HTR3B: variants seen among roughly 807,000 people sequenced by gnomAD.
The protein encoded by HTR3B is 5-hydroxytryptamine receptor 3B, also known as 5-hydroxytryptamine (serotonin) receptor 3B, ionotropic.
A neutral mutation model predicts 42.8 loss-of-function variants in HTR3B; 44 were observed. The observed-to-expected ratio is 1.03, with a 90% confidence interval of 0.81 to 1.32. The LOEUF (loss-of-function observed/expected upper bound fraction) is 1.32. Among genes scored for constraint, HTR3B ranks in the 40% most tolerant of loss-of-function variants. The pLI is 0.00. For missense variants in HTR3B, 527 were observed against 536.5 expected, an observed-to-expected ratio of 0.98 and a Z score of 0.17; for synonymous variants, 203 against 209.0, an observed-to-expected ratio of 0.97 and a Z score of 0.25.
intron 6 of HTR3B, among the ~76,000 whole-genome samples, chr11:113,934,328 C>T (rs1179810032): frequency 6.7e-6 from 1 of 149,654 alleles, no homozygotes; most frequent in African/African-American, 2.5e-5. Context: ...TGCGCTCCAG[C>T]CTGGGTGACA....
At chr11:113,910,259 T>C (rs11606194) in intron 2 of HTR3B, among the ~76,000 whole-genome samples, 9,194 of 152,202 alleles carry the variant, frequency 0.06, 385 homozygotes, top group Non-Finnish European at 0.083. Flanking sequence ...GCATCCTTTT[T>C]CTCCTATGTC....
intron 6 of HTR3B, among the ~76,000 whole-genome samples, chr11:113,937,460 C>T (rs12277002): frequency 0.013 from 1,913 of 152,260 alleles, 37 homozygotes; most frequent in African/African-American, 0.042. Flanking sequence ...ATCACAGATC[C>T]CCAAAATCTG....
At chr11:113,915,055 A>G (rs556212100) in intron 2 of HTR3B, among the ~76,000 whole-genome samples, 1 of 152,304 alleles carries the variant, frequency 6.6e-6, no homozygotes, top group African/African-American at 2.4e-5. Flanking sequence ...TTTCATGCCC[A>G]TAAGATCTCT....
chr11:113,911,968 G>C (rs922855803), intron 2 of HTR3B, among the ~76,000 whole-genome samples: 1 of 152,100 alleles, frequency 6.6e-6, no homozygotes, highest in Non-Finnish European at 1.5e-5. Flanking sequence ...AGTTTTACTG[G>C]TTGTAGAACT....
Position 113,904,941 on chromosome 11 carries a change from C to A in HTR3B, c.8C>A (p.Ser3Ter). 6.2e-7 allele frequency: 1 copy of A among 1,613,610 alleles called. No homozygotes were observed. The highest frequency in any genetic ancestry group is 1.1e-5 in the South Asian group (1 of 91,048). The stretch of plus-strand genomic sequence containing the variant: ...TTTGGGATCTGCCCAGGAATGTTGT[C>A]AAGTGTAATGGCTCCCCTGTGGGCC... ML[S>*]SVMAPLWACI... is the part of the protein sequence containing the mutation. The change falls in exon 1 of 9, where the codon TCA (serine) becomes TAA (stop). Residue 3 changes from serine to a stop codon, truncating the protein, a stop_gained. Coordinates refer to ENST00000260191, the MANE Select transcript of HTR3B (RefSeq NM_006028.5). LOFTEE classifies it high-confidence loss of function.
intron 6 of HTR3B, among the ~76,000 whole-genome samples, chr11:113,942,321 G>A (rs537224241): frequency 1.2e-4 from 18 of 152,084 alleles, no homozygotes; most frequent in Admixed American, 2.0e-4. Context: ...AAAATAAGCC[G>A]GGCATGGTGG....
intron 8 of HTR3B, 97 bp from the exon 9 acceptor site, chr11:113,945,805 A>T: frequency 2.4e-6 from 2 of 850,976 alleles, no homozygotes; most frequent in Non-Finnish European, 1.9e-6. Flanking sequence ...TTCACCTGCA[A>T]CTTTCCTTGA....
At chr11:113,939,888 GTT>G (rs60017270) in intron 6 of HTR3B, among the ~76,000 whole-genome samples, 3,202 of 137,878 alleles carry the variant, frequency 0.023, 88 homozygotes, top group African/African-American at 0.078. Context: ...TCCCCTTGGT[GTT>G]TTTTTTTTTT....
chr11:113,901,553 C>A (rs1405141667), upstream of HTR3B, among the ~76,000 whole-genome samples: 1 of 151,918 alleles, frequency 6.6e-6, no homozygotes, highest in Non-Finnish European at 1.5e-5. Flanking sequence ...GCAAGGCTGT[C>A]AAGGAAAGAT....
At position 113,932,970 on chromosome 11, in the gene HTR3B, A is replaced by G. The variant is rs950121035; in HGVS notation, c.573A>G (p.Pro191=). The G allele has an allele frequency of 6.2e-7, 1 of 1,614,082 alleles. No homozygotes were observed. The highest frequency in any genetic ancestry group is 1.3e-5 in the African/African-American group (1 of 74,924). Residue 191 remains proline (P), a synonymous_variant, in exon 6 of 9, where the codon CCA becomes CCG. Transcript: ENST00000260191. ...TAGACCTGGCCTTTCTGAGGAGCCC[A>G]GAAGACATTCAGCATGACAAAAAGG... ...EDVDLAFLRS[P]EDIQHDKKAF...
Position 113,947,698 on chromosome 11 carries a change from C to CT in HTR3B, c.*1567dup, listed in dbSNP as rs1248319204. ...TAGTGACCTCTTTTAACCTTAATCACTTTTTTCAAGGCCCTATGTTCAAAC... is the reference window on the plus strand; with the variant it reads ...TAGTGACCTCTTTTAACCTTAATCACTTTTTTTCAAGGCCCTATGTTCAAAC... On this transcript the variant is annotated 3_prime_UTR_variant, in exon 9 of 9. Coordinates refer to ENST00000260191, the MANE Select transcript of HTR3B (RefSeq NM_006028.5). 6.6e-6 allele frequency among the ~76,000 whole-genome samples: 1 copy of CT among 152,150 alleles called. No individual in the cohort carries two copies. Among genetic ancestry groups the CT allele is most frequent in the Non-Finnish European group, 1.5e-5 (1 of 68,046 alleles).
upstream of HTR3B, among the ~76,000 whole-genome samples, chr11:113,902,218 G>A (rs938510824): frequency 6.6e-6 from 1 of 152,138 alleles, no homozygotes; most frequent in Non-Finnish European, 1.5e-5. Flanking sequence ...ATAGTACAAA[G>A]AATTCCCCTA....
At position 113,904,900 on chromosome 11, in the gene HTR3B, G is replaced by A; in HGVS notation, c.-34G>A. On this transcript the variant is annotated 5_prime_UTR_variant, in exon 1 of 9. Coordinates refer to ENST00000260191, the MANE Select transcript of HTR3B (RefSeq NM_006028.5). ...GAGCGGCATTCCATCTGGTAGGCAA[G>A]TTTGCATTTCTCCTTTTTGGGATCT... The A allele has an allele frequency of 6.3e-7, 1 of 1,588,920 alleles. No individual in the cohort carries two copies. Among genetic ancestry groups the A allele is most frequent in the Non-Finnish European group, 8.6e-7 (1 of 1,157,174 alleles).
chr11:113,913,350 ATTTTTTTTTTTTTTTTTTT>A (rs71063533), intron 2 of HTR3B, among the ~76,000 whole-genome samples: 3 of 61,522 alleles, frequency 4.9e-5, no homozygotes, highest in Non-Finnish European at 8.3e-5. Flanking sequence ...TGTCTGGCTA[ATTTTTTTTTTTTTTTTTTT>A]TTTTTTTTTT....
Position 113,949,024 on chromosome 11 carries a change from A to T in HTR3B, c.*2887A>T, listed in dbSNP as rs1024836913. ...TACCCTAAAACTTAAAGTATAATTT[A>T]AAAAAAAGTAAATAATGCATCACAA... is the stretch of plus-strand genomic sequence containing the variant. On this transcript the variant is annotated 3_prime_UTR_variant, in exon 9 of 9. Coordinates refer to ENST00000260191, the MANE Select transcript of HTR3B (RefSeq NM_006028.5). Among the ~76,000 whole-genome samples, 14 of 152,130 alleles carry T rather than the reference A, an allele frequency of 9.2e-5. No homozygotes were observed. The highest frequency in any genetic ancestry group is 1.4e-4 in the African/African-American group (6 of 41,416).
intron 1 of HTR3B, among the ~76,000 whole-genome samples, chr11:113,908,373 G>A (rs114485024): frequency 0.026 from 4,017 of 152,184 alleles, 170 homozygotes; most frequent in African/African-American, 0.092. Context: ...CAAAACCACT[G>A]ACAGCCCAGG....
chr11:113,906,596 T>G (rs1360182963), intron 1 of HTR3B, among the ~76,000 whole-genome samples: 3 of 152,196 alleles, frequency 2.0e-5, no homozygotes, highest in Non-Finnish European at 2.9e-5. Flanking sequence ...TCAGTCTTCT[T>G]TTTGAAAGGT....
chr11:113,936,716 C>T (rs1254486696), intron 6 of HTR3B, among the ~76,000 whole-genome samples: 1 of 152,194 alleles, frequency 6.6e-6, no homozygotes, highest in Non-Finnish European at 1.5e-5. Context: ...CTTTCCTGTT[C>T]TTTCTGAGTT....
intron 8 of HTR3B, among the ~76,000 whole-genome samples, chr11:113,945,084 T>A (rs1950166616): frequency 6.6e-6 from 1 of 152,004 alleles, no homozygotes; most frequent in Admixed American, 6.6e-5. Context: ...AGATTGCAGG[T>A]GTGAGCCACT....
Sources: gnomAD v4.1 joint callset for allele counts (sites outside exome capture counted in the v4.1 genomes callset) on GRCh38, gnomAD v4.1.1 for gene constraint, MANE v1.5 for transcripts, NCBI Gene and HGNC (gene_info 2026-07-23, HGNC 2026-07-21) for gene names.